CHD6: variants seen among roughly 807,000 people sequenced by gnomAD.
The protein encoded by CHD6 is ATP-dependent chromatin remodeler CHD6.
A neutral mutation model predicts 276.9 loss-of-function variants in CHD6; 50 were observed. The ratio of observed to expected loss-of-function variants is 0.18; its 90% confidence interval spans 0.14 to 0.23. CHD6 has a LOEUF of 0.23. CHD6 is among the 10% of genes least tolerant of loss of function. The pLI, the probability that CHD6 is intolerant of heterozygous loss-of-function variation, is 1.00. For synonymous variants in CHD6, 1,173 were observed against 1,229.3 expected (o/e 0.95, Z 0.96); for missense variants, 2,564 against 3,365.8 (o/e 0.76, Z 5.89).
chr20:41,453,724 C>A (rs1303765424), intron 20 of CHD6, among the ~76,000 whole-genome samples: 1 of 152,214 alleles, frequency 6.6e-6, no homozygotes, highest in Non-Finnish European at 1.5e-5. Flanking sequence ...CAGTGTCCTG[C>A]ACACACAGTA....
chr20:41,504,098 A>AAAAAAAAAAAAAAAAAAAAT (rs1568652595), intron 5 of CHD6, among the ~76,000 whole-genome samples: 1 of 149,226 alleles, frequency 6.7e-6, no homozygotes, highest in Admixed American at 6.7e-5. Context: ...AAAAAAAAAA[A>AAAAAAAAAAAAAAAAAAAAT]AAAAAAGAAA....
At chr20:41,505,114 G>A (rs961173818) in intron 5 of CHD6, among the ~76,000 whole-genome samples, 1 of 152,062 alleles carries the variant, frequency 6.6e-6, no homozygotes, top group African/African-American at 2.4e-5. Context: ...TTTTTCTCTT[G>A]AGCCCTGAAA....
intron 36 of CHD6, among the ~76,000 whole-genome samples, chr20:41,405,819 T>C (rs2046659507): frequency 6.6e-6 from 1 of 151,938 alleles, no homozygotes; most frequent in African/African-American, 2.4e-5. Flanking sequence ...GAGAAAGCAC[T>C]AAAAGTGCTC....
chr20:41,514,763 A>G (rs776334203), intron 4 of CHD6, 42 bp downstream of exon 4: 1 of 1,605,810 alleles, frequency 6.2e-7, no homozygotes, highest in South Asian at 1.1e-5. Context: ...GATCCCATCC[A>G]GGAGCCGTAA....
intron 1 of CHD6, among the ~76,000 whole-genome samples, chr20:41,597,308 C>G (rs972851189): frequency 6.6e-6 from 1 of 152,132 alleles, no homozygotes; most frequent in African/African-American, 2.4e-5. Flanking sequence ...AGCTTATCTC[C>G]TTATGAAATG....
chr20:41,611,838 A>T (rs574625369), intron 1 of CHD6, among the ~76,000 whole-genome samples: 9 of 152,248 alleles, frequency 5.9e-5, no homozygotes, highest in Admixed American at 2.6e-4. Context: ...GGGTTTCACA[A>T]TGCTGGCCAA....
At chr20:41,450,313 T>C (rs895482365) in intron 23 of CHD6, among the ~76,000 whole-genome samples, 2 of 152,182 alleles carry the variant, frequency 1.3e-5, no homozygotes, top group Non-Finnish European at 2.9e-5. Context: ...TGCATGACCT[T>C]GACATGAATT....
intron 1 of CHD6, among the ~76,000 whole-genome samples, chr20:41,580,499 T>C (rs1234260752): frequency 6.6e-6 from 1 of 150,734 alleles, no homozygotes; most frequent in Non-Finnish European, 1.5e-5. Flanking sequence ...TAAAAAAAAA[T>C]AAAAAATTAG....
intron 16 of CHD6, among the ~76,000 whole-genome samples, chr20:41,482,159 T>C (rs1003660598): frequency 2.6e-5 from 4 of 152,140 alleles, no homozygotes; most frequent in African/African-American, 7.2e-5. Flanking sequence ...GGTTCTTTTT[T>C]AAAAATCTGC....
chr20:41,424,509 C>A (rs6029678), intron 29 of CHD6, among the ~76,000 whole-genome samples: 53,518 of 152,046 alleles, frequency 0.35, 9,773 homozygotes, highest in African/African-American at 0.45. Flanking sequence ...AGAAGGAAGA[C>A]ATATATTCCT....
chr20:41,416,550 T>G, intron 33 of CHD6, 38 bp downstream of exon 33: 1 of 1,555,678 alleles, frequency 6.4e-7, no homozygotes, highest in Non-Finnish European at 8.8e-7. Flanking sequence ...ACGCCCACCA[T>G]TCTTTGTTTT....
At chr20:41,575,225 CT>C (rs2146216320) in intron 1 of CHD6, among the ~76,000 whole-genome samples, 1 of 152,294 alleles carries the variant, frequency 6.6e-6, no homozygotes, top group Non-Finnish European at 1.5e-5. Flanking sequence ...GTGGAGTGTA[CT>C]TTCGTTTTCA....
intron 1 of CHD6, among the ~76,000 whole-genome samples, chr20:41,555,745 A>G (rs1309752597): frequency 1.3e-5 from 2 of 148,718 alleles, no homozygotes; most frequent in African/African-American, 2.5e-5. Context: ...GCGGCCGGGC[A>G]GAGACGCTCC....
intron 17 of CHD6, chr20:41,459,265 G>C (rs572979344): frequency 6.6e-6 from 1 of 152,356 alleles, no homozygotes; most frequent in African/African-American, 2.4e-5. Context: ...CAAACACTAA[G>C]AAGCCCAGTA....
chr20:41,555,383 C>A (rs867305487), intron 1 of CHD6, among the ~76,000 whole-genome samples: 3 of 146,072 alleles, frequency 2.1e-5, no homozygotes, highest in Admixed American at 6.7e-5. Context: ...ACCTCCCTCC[C>A]GGACGGGGCG....
rs1267012687 is a variant in CHD6 at position 41,489,747 on chromosome 20, C to T, written c.1680+31G>A. 4 of 1,612,968 alleles carry T rather than the reference C, an allele frequency of 2.5e-6. No individual in the cohort carries two copies. In the African/African-American group the frequency reaches 4.0e-5, roughly 16 times the overall value. On this transcript the variant is annotated intron_variant, in intron 12 of 36. Coordinates refer to ENST00000373233, the MANE Select transcript of CHD6 (RefSeq NM_032221.5). ...AAAGGCTGTTCTGAGCTTAGGCAGT[C>T]CCTGGGTCTCTGATCTCACGTGAGG...
chr20:41,411,139 C>A lies in CHD6; in HGVS notation c.7251+1005G>T, dbSNP rs141556262. On this transcript the variant is annotated intron_variant, in intron 36 of 36. Coordinates refer to ENST00000373233, the MANE Select transcript of CHD6 (RefSeq NM_032221.5). ...AACTGTCTAGGGCCCAAGTCTCCCCCAAAGGGGCTGTGGTAGCAGATGGAG... is the reference window on the plus strand; with the variant it reads ...AACTGTCTAGGGCCCAAGTCTCCCCAAAAGGGGCTGTGGTAGCAGATGGAG... 2.0e-3 allele frequency among the ~76,000 whole-genome samples: 307 copies of A among 152,154 alleles called. 4 individuals carry two copies. In the East Asian group the frequency reaches 0.053, roughly 26 times the overall value.
chr20:41,533,444 G>A lies in CHD6; in HGVS notation c.160C>T (p.His54Tyr). ...QEEKIEDVAS[H>Y]CLPQKDLYTA... Reference sequence around the variant, plus strand: ...TACAGGTCCTTCTGAGGCAGACAGTGACTAGCAACATCTTCAATTTTCTCT... The same window carrying A: ...TACAGGTCCTTCTGAGGCAGACAGTAACTAGCAACATCTTCAATTTTCTCT... The change falls in exon 3 of 37, where the codon CAC becomes TAC. Residue 54 changes from histidine to tyrosine, a missense_variant. Coordinates refer to ENST00000373233, the MANE Select transcript of CHD6 (RefSeq NM_032221.5). The A allele has an allele frequency of 6.2e-7, 1 of 1,614,178 alleles. No homozygotes were observed. Among genetic ancestry groups the A allele is most frequent in the Non-Finnish European group, 8.5e-7 (1 of 1,180,040 alleles).
intron 24 of CHD6, 76 bp from the exon 25 acceptor site, chr20:41,445,844 C>T: frequency 1.2e-6 from 1 of 837,002 alleles, no homozygotes. Flanking sequence ...CACAGTCCTA[C>T]TGGCATGCTG....
Sources: gnomAD v4.1 joint callset for allele counts (sites outside exome capture counted in the v4.1 genomes callset) on GRCh38, gnomAD v4.1.1 for gene constraint, MANE v1.5 for transcripts, NCBI Gene and HGNC (gene_info 2026-07-23, HGNC 2026-07-21) for gene names.